Variants in GABRA3 observed in about 807,000 individuals in gnomAD.
GABRA3 encodes the protein gamma-aminobutyric acid type A receptor subunit alpha3.
A neutral mutation model predicts 30.1 loss-of-function variants in GABRA3; 10 were observed. The observed-to-expected ratio is 0.33, with a 90% CI of 0.20 to 0.56. GABRA3 has a LOEUF of 0.56. Among genes scored for constraint, GABRA3 ranks in the 20% least tolerant of loss-of-function variants. The probability of loss-of-function intolerance (pLI) is 0.89; values close to 1 mark genes in which losing one functional copy is unlikely to be tolerated. For synonymous variants in GABRA3, 151 were observed against 146.8 expected (o/e 1.03, Z -0.21); for missense variants, 233 against 392.0 (o/e 0.59, Z 3.42).
chrX:152,305,272 A>C, intron 3 of GABRA3, among the ~76,000 whole-genome samples: 1 of 109,890 alleles, frequency 9.1e-6, no homozygotes, highest in East Asian at 2.9e-4. Flanking sequence ...CAGAAGGGGC[A>C]AAGTAGGATG....
Position 152,376,209 on chromosome X carries a change from T to C in GABRA3, c.-26-11613A>G, listed in dbSNP as rs576790160. On this transcript the variant is annotated intron_variant, in intron 1 of 9. Coordinates refer to ENST00000370314, the MANE Select transcript of GABRA3 (RefSeq NM_000808.4). ...CAACAGTGAGGTGTGACCCACACAG[T>C]TTCCATGGTACTTTGCTTGATACAT... is the stretch of plus-strand genomic sequence containing the variant. Among the ~76,000 whole-genome samples, 21 of 111,612 alleles carry C rather than the reference T, an allele frequency of 1.9e-4. No homozygotes were observed. In the South Asian group the frequency reaches 7.6e-3, roughly 40 times the overall value.
chrX:152,303,144 G>A (rs1376246851), intron 3 of GABRA3, among the ~76,000 whole-genome samples: 2 of 111,819 alleles, frequency 1.8e-5, no homozygotes, highest in Non-Finnish European at 3.8e-5. Flanking sequence ...GTTATTTCAG[G>A]AATTTCCAGA....
intron 5 of GABRA3, among the ~76,000 whole-genome samples, chrX:152,228,000 C>G (rs1937997878): frequency 9.0e-6 from 1 of 111,299 alleles, no homozygotes; most frequent in East Asian, 2.8e-4. Flanking sequence ...TGTGAAGATA[C>G]TAAGAAAAGA....
At chrX:152,185,995 C>T (rs936440453) in intron 9 of GABRA3, among the ~76,000 whole-genome samples, 1 of 111,550 alleles carries the variant, frequency 9.0e-6, no homozygotes, top group Non-Finnish European at 1.9e-5. Flanking sequence ...TAGAAATCCT[C>T]TTTGATTCCT....
chrX:152,336,884 G>A (rs902457813), intron 3 of GABRA3, among the ~76,000 whole-genome samples: 1 of 110,951 alleles, frequency 9.0e-6, no homozygotes, highest in African/African-American at 3.3e-5. Context: ...GAAATCCATT[G>A]GCTACAAGAG....
intron 9 of GABRA3, among the ~76,000 whole-genome samples, chrX:152,186,349 A>C (rs183857753): frequency 9.1e-6 from 1 of 109,453 alleles, no homozygotes; most frequent in Non-Finnish European, 1.9e-5. Context: ...CCCAAGTAGC[A>C]TGCTACCGTG....
intron 4 of GABRA3, among the ~76,000 whole-genome samples, chrX:152,267,868 A>G (rs1301081843): frequency 6.4e-5 from 7 of 108,591 alleles, no homozygotes; most frequent in Non-Finnish European, 1.2e-4. Flanking sequence ...TTCATTTCTG[A>G]TTTTATTTGG....
chrX:152,369,022 TG>T (rs1439369346), intron 1 of GABRA3, among the ~76,000 whole-genome samples: 1 of 111,620 alleles, frequency 9.0e-6, no homozygotes, highest in East Asian at 2.8e-4. Context: ...TAATTTTTTT[TG>T]AGAGACCTCC....
At chrX:152,286,129 T>C (rs910934254) in intron 3 of GABRA3, among the ~76,000 whole-genome samples, 1 of 86,377 alleles carries the variant, frequency 1.2e-5, no homozygotes, top group Non-Finnish European at 2.3e-5. Context: ...AAGTATAGTA[T>C]AGTATATAAG....
chrX:152,315,969 C>CGG (rs1939869400), intron 3 of GABRA3, among the ~76,000 whole-genome samples: 2 of 30,824 alleles, frequency 6.5e-5, no homozygotes, highest in Non-Finnish European at 1.1e-4. Context: ...GCCCGCCCCC[C>CGG]GACCCCCCCC....
chrX:152,391,339 C>T (rs1177176885), intron 1 of GABRA3, among the ~76,000 whole-genome samples: 1 of 111,692 alleles, frequency 9.0e-6, no homozygotes, highest in Non-Finnish European at 1.9e-5. Context: ...CGTGCTCAGT[C>T]TACCATGGAG....
At chrX:152,277,615 C>T (rs1385532873) in intron 4 of GABRA3, among the ~76,000 whole-genome samples, 6 of 111,871 alleles carry the variant, frequency 5.4e-5, no homozygotes, top group African/African-American at 1.6e-4. Context: ...CCTAACCATT[C>T]TAGAAATGTA....
chrX:152,416,556 C>T (rs1320535167), intron 1 of GABRA3, among the ~76,000 whole-genome samples: 3 of 110,410 alleles, frequency 2.7e-5, no homozygotes, highest in Middle Eastern at 4.7e-3. Flanking sequence ...AAAGAGCCCG[C>T]ATCGCCAAGT....
intron 1 of GABRA3, among the ~76,000 whole-genome samples, chrX:152,384,022 A>AGTAAGTTT (rs1929230081): frequency 9.1e-6 from 1 of 109,984 alleles, no homozygotes; most frequent in Admixed American, 9.7e-5. Context: ...TAACAAACTC[A>AGTAAGTTT]GTAAAGTTGA....
chrX:152,238,667 C>A lies in GABRA3; in HGVS notation c.552-13822G>T, dbSNP rs1298385731. On this transcript the variant is annotated intron_variant, in intron 5 of 9. Transcript: ENST00000370314. ...AAACTATTGATTATTGCAACAATTT[C>A]AGCTCCTGTTATTGGTCTATTCAGA... Among the ~76,000 whole-genome samples the A allele has an allele frequency of 1.7e-4, 19 of 108,951 alleles. No individual in the cohort carries two copies. In the Admixed American group the frequency reaches 1.8e-3, roughly 11 times the overall value. 94.6% of individuals were successfully genotyped at this position (108,951 alleles called of 115,157 possible).
chrX:152,417,567 C>T (rs1693180730), intron 1 of GABRA3, among the ~76,000 whole-genome samples: 1 of 94,211 alleles, frequency 1.1e-5, no homozygotes, highest in Non-Finnish European at 2.1e-5. Flanking sequence ...TATAAAGACA[C>T]ATGCACACGT....
chrX:152,275,627 C>T (rs976503912), intron 4 of GABRA3, among the ~76,000 whole-genome samples: 11 of 106,298 alleles, frequency 1.0e-4, no homozygotes, highest in East Asian at 2.9e-4. Flanking sequence ...GGTGTGGTGG[C>T]GCGTGCCTGT....
At chrX:152,275,715 T>G (rs1199963357) in intron 4 of GABRA3, among the ~76,000 whole-genome samples, 1 of 108,531 alleles carries the variant, frequency 9.2e-6, no homozygotes, top group Non-Finnish European at 1.9e-5. Context: ...GTCGAGATCG[T>G]GCAACTGCAC....
chrX:152,283,201 G>A (rs901887811), intron 4 of GABRA3, among the ~76,000 whole-genome samples: 6 of 111,328 alleles, frequency 5.4e-5, no homozygotes, highest in Admixed American at 4.8e-4. Flanking sequence ...GAGGGCAATG[G>A]AGACATACAG....
Sources: allele counts gnomAD v4.1 joint callset (sites outside exome capture counted in the v4.1 genomes callset), GRCh38; gene constraint gnomAD v4.1.1; transcripts MANE v1.5; gene names NCBI Gene and HGNC (gene_info 2026-07-23, HGNC 2026-07-21).